HK1: variants seen among roughly 807,000 people sequenced by gnomAD.
HK1 encodes the protein hexokinase-1.
HK1 carries 28 observed loss-of-function variants against 91.6 expected under a neutral mutation model. That is an observed-to-expected ratio of 0.31 (90% CI 0.23 to 0.42). The LOEUF (loss-of-function observed/expected upper bound fraction) is 0.42, where lower values mean the gene tolerates loss of function less well. Ranked by LOEUF, HK1 falls within the 10% of genes least tolerant of loss-of-function variation. HK1 has a pLI of 1.00. For synonymous variants in HK1, 430 were observed against 468.1 expected, an observed-to-expected ratio of 0.92 and a Z score of 1.05; for missense variants, 770 against 1,219.8, an observed-to-expected ratio of 0.63 and a Z score of 5.49.
intron 14 of HK1, 63 bp downstream of exon 14, chr10:69,389,359 G>A (rs1839791066): frequency 8.0e-7 from 1 of 1,246,770 alleles, no homozygotes; most frequent in Non-Finnish European, 1.2e-6. Flanking sequence ...CCGTTTTGTG[G>A]GGCCTTGGCC....
chr10:69,282,658 G>T (rs1210704395), exon 2 of HK1: 1 of 152,152 alleles, frequency 6.6e-6, no homozygotes, highest in Non-Finnish European at 1.5e-5. Context: ...AGTGTATGTT[G>T]TCCTTTTGGA....
At chr10:69,388,951 T>A (rs1445490441) in intron 13 of HK1, among the ~76,000 whole-genome samples, 2 of 152,256 alleles carry the variant, frequency 1.3e-5, no homozygotes, top group Non-Finnish European at 2.9e-5. Context: ...ATTCCTCTAA[T>A]AGTATCATCA....
chr10:69,401,619 T>C lies in HK1; in HGVS notation c.*484T>C. Reference sequence around the variant, plus strand: ...TGTGGGCATAGCATTAGCTGCTTCCTCCCCTCCTGGCACCCACTGTGGCCT... The same window carrying C: ...TGTGGGCATAGCATTAGCTGCTTCCCCCCCTCCTGGCACCCACTGTGGCCT... On this transcript the variant is annotated 3_prime_UTR_variant, in exon 18 of 18. Transcript: ENST00000359426. The C allele has an allele frequency of 2.5e-6, 1 of 392,650 alleles. No homozygotes were observed. Among genetic ancestry groups the C allele is most frequent in the South Asian group, 1.9e-5 (1 of 53,698 alleles). The allele number at this position is 392,650 out of a possible 1,614,324, so 24.3% of individuals were successfully genotyped here.
upstream of HK1, among the ~76,000 whole-genome samples, chr10:69,311,018 C>T (rs1051514727): frequency 6.0e-5 from 9 of 150,748 alleles, no homozygotes; most frequent in African/African-American, 2.0e-4. Context: ...GACTGCACCA[C>T]TGCACTTCAG....
At chr10:69,345,144 T>C (rs1190776575) in intron 2 of HK1, among the ~76,000 whole-genome samples, 1 of 152,128 alleles carries the variant, frequency 6.6e-6, no homozygotes, top group Non-Finnish European at 1.5e-5. Context: ...CTGCCTGCAG[T>C]CATCCTGAAT....
At chr10:69,398,505 T>G in intron 16 of HK1, 90 bp from the exon 17 acceptor site, 15 of 888,230 alleles carry the variant, frequency 1.7e-5, no homozygotes, top group African/African-American at 3.3e-5. Flanking sequence ...AGTACAGTGA[T>G]TGGGGGCGGG....
At chr10:69,299,617 GCCT>G (rs1462051013) in intron 4 of HK1, among the ~76,000 whole-genome samples, 2 of 151,394 alleles carry the variant, frequency 1.3e-5, no homozygotes, top group Admixed American at 1.3e-4. Flanking sequence ...GCCCAGCTCG[GCCT>G]CCCAAAGTGC....
At chr10:69,330,532 C>T (rs1275297782) in intron 1 of HK1, among the ~76,000 whole-genome samples, 2 of 152,016 alleles carry the variant, frequency 1.3e-5, no homozygotes, top group African/African-American at 2.4e-5. Flanking sequence ...TGGTCCAGGG[C>T]TCCAGACTCC....
At position 69,302,234 on chromosome 10, in the gene HK1, C is replaced by T. The variant is rs564829180; in HGVS notation, c.27+1373C>T. On this transcript the variant is annotated intron_variant, in intron 5 of 21. Coordinates refer to the HK1 transcript ENST00000360289. ...TGCACTCCAGCCTGGGCAACAAGAG[C>T]AAAACTCCATCTCAAAAAAAGAAAA... Among the ~76,000 whole-genome samples the T allele has an allele frequency of 2.2e-3, 330 of 148,250 alleles. 1 individual carries two copies. Among genetic ancestry groups the T allele is most frequent in the Non-Finnish European group, 3.7e-3 (246 of 67,340 alleles).
intron 1 of HK1, among the ~76,000 whole-genome samples, chr10:69,324,610 A>G (rs1376633672): frequency 2.0e-5 from 3 of 152,072 alleles, no homozygotes; most frequent in Non-Finnish European, 2.9e-5. Flanking sequence ...AAAATGAAGT[A>G]TTTGCTGTGT....
rs764581437 is a variant in HK1 at position 69,354,590 on chromosome 10, G to A, written c.227-5307G>A. Among the ~76,000 whole-genome samples the A allele has an allele frequency of 7.0e-4, 107 of 152,238 alleles. 1 individual carries two copies. In the Middle Eastern group the frequency reaches 0.01, roughly 15 times the overall value. ...CTTTCTTGATATGTGGGCATTGTGG[G>A]GGTTACAACTCAAGATGAGATTTGG... is the stretch of plus-strand genomic sequence containing the variant. On this transcript the variant is annotated intron_variant, in intron 2 of 17. Coordinates refer to ENST00000359426, the MANE Select transcript of HK1 (RefSeq NM_000188.3).
chr10:69,343,773 C>T (rs1000261853), intron 1 of HK1, 54 bp from the exon 2 acceptor site: 3 of 1,468,040 alleles, frequency 2.0e-6, no homozygotes, highest in Non-Finnish European at 2.9e-6. Context: ...GGTGCCTCAC[C>T]TTGCCCTGTC....
chr10:69,296,872 C>G (rs542395679), intron 4 of HK1, among the ~76,000 whole-genome samples: 1 of 152,208 alleles, frequency 6.6e-6, no homozygotes, highest in Non-Finnish European at 1.5e-5. Context: ...CTGGCAGTAG[C>G]AAGGAGCTTG....
At chr10:69,357,519 C>T (rs914502747) in intron 2 of HK1, among the ~76,000 whole-genome samples, 9 of 152,090 alleles carry the variant, frequency 5.9e-5, no homozygotes, top group Non-Finnish European at 1.3e-4. Flanking sequence ...GGCGTGATCT[C>T]AGCTCACTGC....
intron 1 of HK1, among the ~76,000 whole-genome samples, chr10:69,280,455 G>A (rs1372449493): frequency 2.0e-5 from 3 of 152,182 alleles, no homozygotes; most frequent in Non-Finnish European, 1.5e-5. Context: ...GCACCTACCT[G>A]GATCTTGTCT....
chr10:69,277,140 T>G (rs1193570895), intron 1 of HK1, among the ~76,000 whole-genome samples: 1 of 152,238 alleles, frequency 6.6e-6, no homozygotes, highest in Non-Finnish European at 1.5e-5. Context: ...AAATTCTAGA[T>G]TCAAAGATCC....
At chr10:69,304,644 A>G (rs996924785) in intron 5 of HK1, among the ~76,000 whole-genome samples, 2 of 152,130 alleles carry the variant, frequency 1.3e-5, no homozygotes, top group Admixed American at 6.6e-5. Context: ...AGTTCCTCCC[A>G]AAGTTAGTTC....
intron 4 of HK1, 144 bp downstream of exon 4, chr10:69,365,046 TGTGG>T (rs149570579): frequency 0.032 from 28,615 of 898,276 alleles, 592 homozygotes; most frequent in South Asian, 0.047. Context: ...CAGAAGTTAG[TGTGG>T]TATCATGATA....
At chr10:69,314,268 CT>C (rs1180525282), upstream of HK1, among the ~76,000 whole-genome samples, 1 of 152,212 alleles carries the variant, frequency 6.6e-6, no homozygotes, top group Non-Finnish European at 1.5e-5. Flanking sequence ...CTGGCAGCAC[CT>C]GAGTTTCACC....
Sources: gnomAD v4.1 joint callset for allele counts (sites outside exome capture counted in the v4.1 genomes callset) on GRCh38, gnomAD v4.1.1 for gene constraint, MANE v1.5 for transcripts, NCBI Gene and HGNC (gene_info 2026-07-23, HGNC 2026-07-21) for gene names.